ROBO1: variants seen among roughly 807,000 people sequenced by gnomAD.
ROBO1 encodes the protein roundabout guidance receptor 1, also known as roundabout homolog 1.
ROBO1 carries 149 observed loss-of-function variants against 195.9 expected under a neutral mutation model. The ratio of observed to expected loss-of-function variants is 0.76; its 90% CI spans 0.67 to 0.87. ROBO1 has a LOEUF of 0.87. Among genes scored for constraint, ROBO1 ranks in the 40% least tolerant of loss-of-function variants. ROBO1 has a pLI of 0.00. For missense variants in ROBO1, 1,933 were observed against 2,068.3 expected (o/e 0.93, Z 1.27); for synonymous variants, 816 against 733.2 (o/e 1.11, Z -1.82).
intron 1 of ROBO1, among the ~76,000 whole-genome samples, chr3:79,654,501 C>T (rs991310268): frequency 5.3e-5 from 8 of 151,784 alleles, no homozygotes; most frequent in African/African-American, 1.5e-4. Context: ...TAGTTTTGAC[C>T]GTAAAACAAC....
intron 1 of ROBO1, among the ~76,000 whole-genome samples, chr3:79,620,611 C>A (rs35014413): frequency 0.28 from 41,943 of 151,736 alleles, 6,827 homozygotes; most frequent in African/African-American, 0.45. Flanking sequence ...CCAGACTATT[C>A]CTGGGCTACA....
intron 3 of ROBO1, among the ~76,000 whole-genome samples, chr3:78,940,682 G>A (rs919801190): frequency 2.2e-4 from 33 of 152,176 alleles, no homozygotes; most frequent in Admixed American, 7.9e-4. Context: ...TTTATAAACC[G>A]AAATAGCACT....
chr3:78,843,717 G>A (rs1019404685), intron 4 of ROBO1, among the ~76,000 whole-genome samples: 3 of 151,934 alleles, frequency 2.0e-5, no homozygotes, highest in African/African-American at 4.8e-5. Context: ...CTTTTTCATA[G>A]AACTGTAGCA....
chr3:79,433,574 G>T (rs1205179907), intron 2 of ROBO1, among the ~76,000 whole-genome samples: 3 of 151,806 alleles, frequency 2.0e-5, no homozygotes, highest in Non-Finnish European at 4.4e-5. Flanking sequence ...TTAAAACAAG[G>T]TTCCATGTTC....
chr3:78,786,992 C>G (rs2083855546), intron 4 of ROBO1, among the ~76,000 whole-genome samples: 1 of 152,136 alleles, frequency 6.6e-6, no homozygotes, highest in Non-Finnish European at 1.5e-5. Flanking sequence ...CAGGGCTGGA[C>G]CTCCTAAACT....
At chr3:79,155,819 T>C (rs1304984578) in intron 2 of ROBO1, among the ~76,000 whole-genome samples, 2 of 151,724 alleles carry the variant, frequency 1.3e-5, no homozygotes, top group African/African-American at 2.4e-5. Flanking sequence ...CTTGCAAAAA[T>C]GACTTACAAA....
chr3:79,154,586 C>A (rs1290423673), intron 2 of ROBO1, among the ~76,000 whole-genome samples: 1 of 151,708 alleles, frequency 6.6e-6, no homozygotes, highest in Non-Finnish European at 1.5e-5. Flanking sequence ...TCTTAAAATA[C>A]TGTCCCTCGA....
chr3:78,918,609 T>C (rs1156249860), intron 4 of ROBO1, among the ~76,000 whole-genome samples: 1 of 152,174 alleles, frequency 6.6e-6, no homozygotes, highest in East Asian at 1.9e-4. Flanking sequence ...CTCTAGGTAG[T>C]CTGTTAGAGG....
intron 3 of ROBO1, among the ~76,000 whole-genome samples, chr3:78,983,285 G>A (rs1284808436): frequency 6.6e-6 from 1 of 152,132 alleles, no homozygotes; most frequent in Non-Finnish European, 1.5e-5. Context: ...TAAAGAACAA[G>A]TTTACACACT....
chr3:79,238,197 T>A (rs1416944767), intron 2 of ROBO1, among the ~76,000 whole-genome samples: 2 of 152,234 alleles, frequency 1.3e-5, no homozygotes, highest in African/African-American at 4.8e-5. Flanking sequence ...TATTATCTAA[T>A]TTTAAAATAT....
At chr3:78,663,672 T>C (rs1045592231) in intron 14 of ROBO1, among the ~76,000 whole-genome samples, 1 of 152,208 alleles carries the variant, frequency 6.6e-6, no homozygotes, top group African/African-American at 2.4e-5. Flanking sequence ...AGGCAGCTAA[T>C]CCTGAGGGCT....
At chr3:78,803,023 T>G (rs185071398) in intron 4 of ROBO1, among the ~76,000 whole-genome samples, 142 of 152,254 alleles carry the variant, frequency 9.3e-4, no homozygotes, top group Non-Finnish European at 1.5e-3. Flanking sequence ...GTAACTTTAT[T>G]GAAAAGAAAC....
At chr3:78,675,341 TCG>T (rs1330298354) in intron 10 of ROBO1, among the ~76,000 whole-genome samples, 2 of 151,882 alleles carry the variant, frequency 1.3e-5, no homozygotes, top group Admixed American at 6.6e-5. Context: ...AGCACACAGT[TCG>T]CGAGCCGAAG....
At chr3:79,753,271 C>T (rs1459988600) in intron 1 of ROBO1, among the ~76,000 whole-genome samples, 1 of 150,070 alleles carries the variant, frequency 6.7e-6, no homozygotes. Context: ...GATTGGGGTG[C>T]AAACTGGATA....
chr3:79,110,812 T>C (rs980107719), intron 3 of ROBO1, among the ~76,000 whole-genome samples: 3 of 151,316 alleles, frequency 2.0e-5, no homozygotes, highest in Non-Finnish European at 1.5e-5. Context: ...GTAGATGGAG[T>C]CTCGCTATGT....
chr3:79,533,717 C>T (rs1038429815), intron 2 of ROBO1, among the ~76,000 whole-genome samples: 3 of 152,058 alleles, frequency 2.0e-5, no homozygotes, highest in Non-Finnish European at 2.9e-5. Flanking sequence ...ATATTTTAAT[C>T]GATTTACAAG....
chr3:79,666,422 G>C (rs1410229591), intron 1 of ROBO1, among the ~76,000 whole-genome samples: 1 of 151,716 alleles, frequency 6.6e-6, no homozygotes, highest in African/African-American at 2.4e-5. Flanking sequence ...TTTTCATTCT[G>C]TGTTTTACTG....
intron 4 of ROBO1, among the ~76,000 whole-genome samples, chr3:78,849,485 C>G (rs1489752679): frequency 6.6e-6 from 1 of 151,984 alleles, no homozygotes; most frequent in Non-Finnish European, 1.5e-5. Context: ...ACTTATCACC[C>G]CTTTGGGAGC....
At chr3:79,260,875 A>T (rs2108940106) in intron 2 of ROBO1, among the ~76,000 whole-genome samples, 1 of 152,246 alleles carries the variant, frequency 6.6e-6, no homozygotes, top group South Asian at 2.1e-4. Context: ...ATATTCCCAT[A>T]ATTATTCACC....
Sources: gnomAD v4.1 joint callset for allele counts (sites outside exome capture counted in the v4.1 genomes callset) on GRCh38, gnomAD v4.1.1 for gene constraint, MANE v1.5 for transcripts, NCBI Gene and HGNC (gene_info 2026-07-23, HGNC 2026-07-21) for gene names.